FNDC1: variants seen among roughly 807,000 people sequenced by gnomAD.
FNDC1 encodes the protein fibronectin type III domain-containing protein 1.
Under a neutral mutation model 168.0 loss-of-function variants are expected in FNDC1, and 96 were observed. The ratio of observed to expected loss-of-function variants is 0.57; its 90% CI spans 0.48 to 0.68. FNDC1 has a LOEUF of 0.68. Ranked by LOEUF, FNDC1 falls within the 30% of genes least tolerant of loss-of-function variation. The pLI is 0.00. For synonymous variants in FNDC1, 1,099 were observed against 1,025.9 expected (o/e 1.07, Z -1.36); for missense variants, 2,587 against 2,482.1 (o/e 1.04, Z -0.90).
chr6:159,252,228 T>C (rs1389767214), intron 17 of FNDC1, among the ~76,000 whole-genome samples: 4 of 152,224 alleles, frequency 2.6e-5, no homozygotes, highest in African/African-American at 9.6e-5. Flanking sequence ...CAAATTTTTT[T>C]TCTGGGCCTC....
chr6:159,232,490 A>T lies in FNDC1; in HGVS notation c.1978A>T (p.Lys660Ter). Residue 660 changes from lysine to a stop codon, truncating the protein, a stop_gained, in exon 11 of 23, where the codon AAG becomes TAG. Transcript: ENST00000297267. LOFTEE classifies it high-confidence loss of function. This position sits in a 1 kb window ranked among gnomAD's most constrained non-coding sequence, Gnocchi z 4.9. ...DERAVGSLHPKGAFAQPRPAL... is the reference protein window; with the variant it reads ...DERAVGSLHP ...GCGCGCTGTGGGCTCCCTCCACCCC[A>T]AGGGCGCCTTCGCCCAGCCCCGGCC... The T allele has an allele frequency of 6.2e-7, 1 of 1,612,302 alleles. No individual in the cohort carries two copies. The highest frequency in any genetic ancestry group is 1.3e-5 in the African/African-American group (1 of 74,972).
chr6:159,200,460 G>A, intron 3 of FNDC1, 53 bp from the exon 4 acceptor site: 1 of 1,391,924 alleles, frequency 7.2e-7, no homozygotes, highest in Non-Finnish European at 1.0e-6. Context: ...CTGTAATGTG[G>A]AAAACCCAAC....
intron 1 of FNDC1, among the ~76,000 whole-genome samples, chr6:159,171,557 C>T (rs1057417067): frequency 5.9e-5 from 9 of 152,186 alleles, no homozygotes; most frequent in South Asian, 2.1e-4. Flanking sequence ...AAATTACCCA[C>T]GGCCACATAA....
rs1227836180 is a variant in FNDC1 at position 159,183,469 on chromosome 6, C to G, written c.109+13764C>G. 5.3e-5 allele frequency among the ~76,000 whole-genome samples: 8 copies of G among 152,338 alleles called. No individual in the cohort carries two copies. In the East Asian group the frequency reaches 1.5e-3, roughly 29 times the overall value. On this transcript the variant is annotated intron_variant, in intron 1 of 22. Coordinates refer to ENST00000297267, the MANE Select transcript of FNDC1 (RefSeq NM_032532.3). ...GATGTCAAGTAGACAGTTGGACACA[C>G]TGGAGCTCAGAGGGGAAGCCAGGCT...
At position 159,215,105 on chromosome 6, in the gene FNDC1, T is replaced by C. The variant is rs369522410; in HGVS notation, c.621T>C (p.Tyr207=). ...GYGESGRKMN[Y]VPLTRDERTH... ...GGGAGAGTGGCCGGAAGATGAATTA[T>C]GTTCCACTGACAAGAGATGAACGGA... Residue 207 remains tyrosine, a synonymous_variant, in exon 5 of 23, where the codon TAT becomes TAC. Coordinates refer to ENST00000297267, the MANE Select transcript of FNDC1 (RefSeq NM_032532.3). The C allele has an allele frequency of 1.5e-5, 25 of 1,613,970 alleles. No homozygotes were observed. The highest frequency in any genetic ancestry group is 1.1e-4 in the African/African-American group (8 of 74,956).
In FNDC1 at chr6:159,234,169, C is replaced by T. The variant is rs766338916; in HGVS notation, c.3657C>T (p.Leu1219=). 19 of 1,599,114 alleles carry T rather than the reference C, an allele frequency of 1.2e-5. No homozygotes were observed. Among genetic ancestry groups the T allele is most frequent in the Non-Finnish European group, 1.6e-5 (19 of 1,173,322 alleles). ...GCGGCAAAGACGCCGATGGGAGCCTCGCCAAGGAAGAGAGGGAGCCTGCCA... is the reference window on the plus strand; with the variant it reads ...GCGGCAAAGACGCCGATGGGAGCCTTGCCAAGGAAGAGAGGGAGCCTGCCA... ...PRGGKDADGS[L]AKEEREPAIA... The change falls in exon 11 of 23, where the codon CTC becomes CTT. Residue 1219 remains leucine, a synonymous_variant. Coordinates refer to ENST00000297267, the MANE Select transcript of FNDC1 (RefSeq NM_032532.3).
intron 2 of FNDC1, among the ~76,000 whole-genome samples, chr6:159,198,256 A>G (rs1044664607): frequency 6.6e-6 from 1 of 152,206 alleles, no homozygotes; most frequent in Non-Finnish European, 1.5e-5. Context: ...AGCCCCATTG[A>G]TTCTTGAACC....
rs528114216 is a variant in FNDC1, at chr6:159,243,485, T to A, written c.4622-3416T>A. Among the ~76,000 whole-genome samples the A allele has an allele frequency of 3.3e-3, 503 of 152,342 alleles. 4 individuals carry two copies. The highest frequency in any genetic ancestry group is 0.012 in the African/African-American group (488 of 41,576). ...GAGAATAATTTTTAAAAATATTTTG[T>A]AATATCTCTGGAGCAAAAGCCTTAC... On this transcript the variant is annotated intron_variant, in intron 14 of 22. Transcript: ENST00000297267.
At chr6:159,268,284 G>A (rs1392001901) in intron 22 of FNDC1, among the ~76,000 whole-genome samples, 1 of 152,078 alleles carries the variant, frequency 6.6e-6, no homozygotes, top group East Asian at 1.9e-4. Context: ...AACAATTAAT[G>A]TTACTAACTC....
intron 1 of FNDC1, among the ~76,000 whole-genome samples, chr6:159,173,452 A>G (rs950012697): frequency 6.6e-6 from 1 of 152,236 alleles, no homozygotes; most frequent in Non-Finnish European, 1.5e-5. Context: ...GCACCCGCCA[A>G]TGGCAGATGG....
At position 159,234,440 on chromosome 6, in the gene FNDC1, C is replaced by G; in HGVS notation, c.3928C>G (p.Pro1310Ala). The change falls in exon 11 of 23, where the codon CCT becomes GCT. Residue 1310 changes from proline to alanine, a missense_variant. Physicochemically the swap from Pro to Ala is conservative, Grantham distance 27. Coordinates refer to ENST00000297267, the MANE Select transcript of FNDC1 (RefSeq NM_032532.3). ...QRMMHARFRN[P>A]LSRQPARPSY... ...GATGATGCATGCCAGATTCCGTAAC[C>G]CTCTCTCCCGACAGCCTGCCAGACC... 1 of 1,613,532 alleles carries G rather than the reference C, an allele frequency of 6.2e-7. No individual in the cohort carries two copies. The highest frequency in any genetic ancestry group is 8.5e-7 in the Non-Finnish European group (1 of 1,179,872).
At chr6:159,213,112 C>T (rs189556434) in intron 4 of FNDC1, among the ~76,000 whole-genome samples, 1 of 152,342 alleles carries the variant, frequency 6.6e-6, no homozygotes, top group East Asian at 1.9e-4. Context: ...TTGCAAGAGC[C>T]AGCCTCAGCC....
At chr6:159,240,033 C>A (rs995075996) in intron 14 of FNDC1, 76 bp downstream of exon 14, 1 of 1,358,402 alleles carries the variant, frequency 7.4e-7, no homozygotes, top group Non-Finnish European at 9.8e-7. Context: ...GGTGGCAGAG[C>A]CTGCAGGGGA....
In FNDC1 at chr6:159,251,334, T is replaced by G. The variant is rs775491155; in HGVS notation, c.4867T>G (p.Ser1623Ala). Residue 1623 changes from serine (S) to alanine (A), a missense_variant, in exon 17 of 23, where the codon TCA becomes GCA. Transcript: ENST00000297267. The stretch of plus-strand genomic sequence containing the variant: ...CGTGACGTACCTAAATAAAGACCCA[T>G]CAGCCCCGTGCTCTCTGACTGATGC... ...PYVTYLNKDPSAPCSLTDALD... is the reference protein window; with the variant it reads ...PYVTYLNKDPAAPCSLTDALD... 1 of 1,613,922 alleles carries G rather than the reference T, an allele frequency of 6.2e-7. No individual in the cohort carries two copies. The highest frequency in any genetic ancestry group is 1.7e-5 in the Admixed American group (1 of 59,994).
intron 1 of FNDC1, among the ~76,000 whole-genome samples, chr6:159,193,041 C>T (rs1258475169): frequency 1.3e-5 from 2 of 152,156 alleles, no homozygotes; most frequent in East Asian, 3.8e-4. Flanking sequence ...TCTGGGTCAA[C>T]AACTAAAGGA....
chr6:159,191,799 A>C (rs1782147118), intron 1 of FNDC1, among the ~76,000 whole-genome samples: 1 of 152,216 alleles, frequency 6.6e-6, no homozygotes, highest in Admixed American at 6.5e-5. Flanking sequence ...CAAAGTTAAA[A>C]TGGAGCATAT....
chr6:159,253,526 G>A (rs1392999289), intron 17 of FNDC1, among the ~76,000 whole-genome samples: 1 of 152,220 alleles, frequency 6.6e-6, no homozygotes, highest in Non-Finnish European at 1.5e-5. Context: ...TCAAGTCAAT[G>A]TGTAATGAAG....
chr6:159,212,364 A>C (rs1782623234), intron 4 of FNDC1, among the ~76,000 whole-genome samples: 1 of 152,266 alleles, frequency 6.6e-6, no homozygotes, highest in Non-Finnish European at 1.5e-5. Flanking sequence ...TATCACATAC[A>C]GCCCAGAGAG....
chr6:159,249,283 T>C (rs1777207423), intron 16 of FNDC1, 101 bp downstream of exon 16: 1 of 1,145,396 alleles, frequency 8.7e-7, no homozygotes, highest in Admixed American at 2.8e-5. Flanking sequence ...CAGTGCATTT[T>C]GAGAAGTTTT....
Sources: gnomAD v4.1 joint callset for allele counts (sites outside exome capture counted in the v4.1 genomes callset) on GRCh38, gnomAD v4.1.1 for gene constraint, Gnocchi (gnomAD v3.1) non-coding constraint, MANE v1.5 for transcripts, NCBI Gene and HGNC (gene_info 2026-07-23, HGNC 2026-07-21) for gene names.